ANKS1B: variants seen among roughly 807,000 people sequenced by gnomAD.
The protein encoded by ANKS1B is ankyrin repeat and sterile alpha motif domain-containing protein 1B.
ANKS1B carries 36 observed loss-of-function variants against 148.3 expected under a neutral mutation model. That is an observed-to-expected ratio of 0.24 (90% CI 0.19 to 0.32). The LOEUF is 0.32. Ranked by LOEUF, ANKS1B falls within the 10% of genes least tolerant of loss-of-function variation. ANKS1B has a pLI of 1.00. For missense variants in ANKS1B, 1,157 were observed against 1,542.6 expected (o/e 0.75, Z 4.19); for synonymous variants, 542 against 560.8 (o/e 0.97, Z 0.47).
chr12:99,507,748 T>A (rs527377835), intron 9 of ANKS1B, among the ~76,000 whole-genome samples: 1 of 151,876 alleles, frequency 6.6e-6, no homozygotes, highest in African/African-American at 2.4e-5. Context: ...ACCAAATATT[T>A]CAATGTCAAG....
chr12:99,779,901 T>G lies in ANKS1B; in HGVS notation c.817A>C (p.Lys273Gln). 1 of 1,612,926 alleles carries G rather than the reference T, an allele frequency of 6.2e-7. No individual in the cohort carries two copies. Among genetic ancestry groups the G allele is most frequent in the Non-Finnish European group, 8.5e-7 (1 of 1,179,572 alleles). ...AAGAGTGTTGCAATCTGGAGAGATTTCTGAGATGGATGTTCTTTCAGAATG... is the reference window on the plus strand; with the variant it reads ...AAGAGTGTTGCAATCTGGAGAGATTGCTGAGATGGATGTTCTTTCAGAATG... ...LDILKEHPSQ[K>Q]SLQIATLLQE... Residue 273 changes from lysine to glutamine, a missense_variant, in exon 6 of 27, where the codon AAA (lysine) becomes CAA (glutamine). Coordinates refer to ENST00000683438, the MANE Select transcript of ANKS1B (RefSeq NM_001352186.2).
intron 1 of ANKS1B, among the ~76,000 whole-genome samples, chr12:99,828,887 G>A (rs1251983013): frequency 1.3e-5 from 2 of 152,102 alleles, no homozygotes; most frequent in Non-Finnish European, 2.9e-5. Context: ...GGAGGGTGAG[G>A]CAGGAGAATC....
At chr12:99,029,291 A>G (rs908491109) in intron 17 of ANKS1B, among the ~76,000 whole-genome samples, 17 of 152,220 alleles carry the variant, frequency 1.1e-4, no homozygotes, top group Non-Finnish European at 2.1e-4. Context: ...TACAGATTTT[A>G]CAAAACAGAG....
intron 1 of ANKS1B, among the ~76,000 whole-genome samples, chr12:99,939,133 C>G (rs2153814629): frequency 6.6e-6 from 1 of 152,234 alleles, no homozygotes; most frequent in East Asian, 1.9e-4. Context: ...GCTCTGTCAC[C>G]TAGACTGGAG....
intron 25 of ANKS1B, among the ~76,000 whole-genome samples, chr12:98,752,606 C>T (rs574749229): frequency 7.9e-5 from 12 of 152,094 alleles, no homozygotes; most frequent in Non-Finnish European, 1.5e-4. Flanking sequence ...AGACTTGTCT[C>T]AGATATTTTT....
intron 10 of ANKS1B, among the ~76,000 whole-genome samples, chr12:99,447,089 A>C (rs2095648691): frequency 6.6e-6 from 1 of 152,104 alleles, no homozygotes; most frequent in African/African-American, 2.4e-5. Flanking sequence ...AAGCTATAAT[A>C]ATCAAAACAA....
At chr12:99,089,275 C>T (rs10860388) in intron 15 of ANKS1B, among the ~76,000 whole-genome samples, 87,109 of 151,666 alleles carry the variant, frequency 0.57, 25,679 homozygotes, top group East Asian at 0.75. Context: ...AATCTCCTTT[C>T]CTACCCAGTA....
chr12:99,446,181 G>C (rs2095635054), intron 10 of ANKS1B, among the ~76,000 whole-genome samples: 1 of 151,890 alleles, frequency 6.6e-6, no homozygotes, highest in South Asian at 2.1e-4. Context: ...AGCTGTGAAA[G>C]GCTTCAGTTT....
rs188800316 is a variant in ANKS1B at position 99,474,673 on chromosome 12, G to C, written c.1438+29803C>G. 3.5e-3 allele frequency among the ~76,000 whole-genome samples: 528 copies of C among 152,012 alleles called. 6 individuals carry two copies. The highest frequency in any genetic ancestry group is 0.017 in the Middle Eastern group (5 of 294). Reference sequence around the variant, plus strand: ...TATTTTAGAATTAAAATTGTTAATAGAAATAAAGGGAATACTATATAATGA... The same window carrying C: ...TATTTTAGAATTAAAATTGTTAATACAAATAAAGGGAATACTATATAATGA... On this transcript the variant is annotated intron_variant, in intron 10 of 26. Coordinates refer to ENST00000683438, the MANE Select transcript of ANKS1B (RefSeq NM_001352186.2).
At chr12:99,292,514 C>CAAAA (rs58344288) in intron 12 of ANKS1B, among the ~76,000 whole-genome samples, 5 of 120,100 alleles carry the variant, frequency 4.2e-5, no homozygotes, top group African/African-American at 1.5e-4. Flanking sequence ...GACTCCATCT[C>CAAAA]AAAAAAAAAA....
chr12:99,839,679 G>A (rs1250353439), intron 1 of ANKS1B, among the ~76,000 whole-genome samples: 4 of 151,902 alleles, frequency 2.6e-5, no homozygotes, highest in Non-Finnish European at 5.9e-5. Context: ...AATCCTCATA[G>A]CAACGCTATC....
At chr12:99,849,633 C>A (rs896493063) in intron 1 of ANKS1B, among the ~76,000 whole-genome samples, 1 of 152,066 alleles carries the variant, frequency 6.6e-6, no homozygotes, top group Admixed American at 6.6e-5. Flanking sequence ...AACTGTAGTA[C>A]ATTCACAAAG....
intron 19 of ANKS1B, among the ~76,000 whole-genome samples, chr12:98,825,733 T>C (rs1838671209): frequency 6.6e-6 from 1 of 152,252 alleles, no homozygotes; most frequent in Admixed American, 6.5e-5. Flanking sequence ...TTGTTCATTT[T>C]AAGGGTACTT....
chr12:99,642,529 G>C (rs2098319790), intron 9 of ANKS1B, among the ~76,000 whole-genome samples: 1 of 152,162 alleles, frequency 6.6e-6, no homozygotes, highest in African/African-American at 2.4e-5. Context: ...CTCTAAAAGA[G>C]AATCTAGGGG....
In ANKS1B at chr12:99,562,239, G is replaced by C. The variant is rs138623526; in HGVS notation, c.1273-57598C>G. 2.4e-4 allele frequency among the ~76,000 whole-genome samples: 37 copies of C among 152,228 alleles called. 1 individual carries two copies. The highest frequency in any genetic ancestry group is 8.4e-4 in the African/African-American group (35 of 41,530). On this transcript the variant is annotated intron_variant, in intron 9 of 26. Transcript: ENST00000683438. ...CCCAGGCTTGATTGTTCCATTTTTA[G>C]AGTACAAGCAAAATCAATTTTGCAT...
intron 25 of ANKS1B, among the ~76,000 whole-genome samples, chr12:98,764,775 GACTAAGTGTT>G (rs2098458872): frequency 2.0e-5 from 3 of 152,228 alleles, no homozygotes; most frequent in Admixed American, 6.5e-5. Context: ...CACTCACACA[GACTAAGTGTT>G]CAGCTTCCAA....
chr12:98,978,580 T>C (rs1278196552), intron 17 of ANKS1B, among the ~76,000 whole-genome samples: 1 of 152,202 alleles, frequency 6.6e-6, no homozygotes, highest in African/African-American at 2.4e-5. Flanking sequence ...AATAAATTTC[T>C]ATATTCTTTT....
At position 99,100,433 on chromosome 12, in the gene ANKS1B, A is replaced by G. The variant is rs12832788; in HGVS notation, c.2527-15410T>C. On this transcript the variant is annotated intron_variant, in intron 15 of 26. Transcript: ENST00000683438. ...GCTGCCCACACTTTAAGTATGGAGA[A>G]TTCAAAAGTGATTGAGGCAGTCTCT... is the stretch of plus-strand genomic sequence containing the variant. 3.1e-3 allele frequency among the ~76,000 whole-genome samples: 467 copies of G among 152,332 alleles called. 2 individuals are homozygous for G. Among genetic ancestry groups the G allele is most frequent in the African/African-American group, 0.011 (462 of 41,576 alleles).
intron 17 of ANKS1B, among the ~76,000 whole-genome samples, chr12:98,931,934 C>T (rs1319384370): frequency 6.6e-6 from 1 of 152,166 alleles, no homozygotes; most frequent in Non-Finnish European, 1.5e-5. Flanking sequence ...GGAAGGAACA[C>T]ACCTGTGCAT....
Sources: allele counts gnomAD v4.1 joint callset (sites outside exome capture counted in the v4.1 genomes callset), GRCh38; gene constraint gnomAD v4.1.1; transcripts MANE v1.5; gene names NCBI Gene and HGNC (gene_info 2026-07-23, HGNC 2026-07-21).